The following ZNF100 variants were observed in gnomAD, a reference collection of about 807,000 sequenced individuals.
ZNF100 encodes the protein zinc finger protein 100 (Y1).
In ZNF100, 12 loss-of-function variants were observed where a neutral mutation model predicts 15.8. The observed-to-expected ratio is 0.76, with a 90% CI of 0.49 to 1.23. The LOEUF (loss-of-function observed/expected upper bound fraction) is 1.23, where lower values mean the gene tolerates loss of function less well. Ranked by LOEUF, ZNF100 falls within the 50% of genes most tolerant of loss-of-function variation. The pLI, the probability that ZNF100 is intolerant of heterozygous loss-of-function variation, is 0.00. For missense variants in ZNF100, 670 were observed against 635.6 expected, an observed-to-expected ratio of 1.05 and a Z score of -0.58; for synonymous variants, 226 against 214.8, an observed-to-expected ratio of 1.05 and a Z score of -0.45.
rs369956027 is a variant in ZNF100, at chr19:21,727,644, T to C, written c.668A>G (p.His223Arg). The change falls in exon 5 of 5, where the codon CAT becomes CGT. Residue 223 changes from histidine to arginine, a missense_variant. His to Arg is a conservative substitution (Grantham distance 29). Coordinates refer to ENST00000358296, the MANE Select transcript of ZNF100 (RefSeq NM_173531.4). ...SFCMLLHLTQ[H>R]KRFHITENSY... ...ATTCTCTGTAATATGAAATCTTTTA[T>C]GTTGAGTTAGGTGTAAAAGCATGCA... 8.7e-6 allele frequency: 14 copies of C among 1,611,840 alleles called. No individual in the cohort carries two copies. In the African/African-American group the frequency reaches 1.3e-4, roughly 15 times the overall value.
intron 2 of ZNF100, among the ~76,000 whole-genome samples, chr19:21,765,178 CTAATA>C (rs1186344529): frequency 6.6e-6 from 1 of 152,170 alleles, no homozygotes; most frequent in African/African-American, 2.4e-5. Flanking sequence ...TCAAGCCCTA[CTAATA>C]TAATGCAATT....
At position 21,744,970 on chromosome 19, in the gene ZNF100, A is replaced by C. The variant is rs1223821558; in HGVS notation, c.194T>G (p.Leu65Ter). 3 of 1,610,678 alleles carry C rather than the reference A, an allele frequency of 1.9e-6. No homozygotes were observed. The highest frequency in any genetic ancestry group is 2.5e-6 in the Non-Finnish European group (3 of 1,179,316). ...GAAGACCAGGTTTCTGTAGTTCTCT[A>C]ACATCACTTTCCTATACAAACCCTG... ...AQQGLYRKVM[L>*]ENYRNLVFLA... Residue 65 changes from leucine to a stop codon, truncating the protein, a stop_gained, in exon 3 of 5, where the codon TTA (leucine) becomes TGA (stop). Coordinates refer to ENST00000358296, the MANE Select transcript of ZNF100 (RefSeq NM_173531.4). LOFTEE classifies it high-confidence loss of function.
intron 2 of ZNF100, among the ~76,000 whole-genome samples, chr19:21,749,594 TATC>T (rs1375396000): frequency 6.6e-6 from 1 of 152,186 alleles, no homozygotes; most frequent in Non-Finnish European, 1.5e-5. Flanking sequence ...TCTACTCCAG[TATC>T]ATATTTTACA....
intron 4 of ZNF100, among the ~76,000 whole-genome samples, chr19:21,733,198 A>G (rs1382377806): frequency 2.0e-5 from 3 of 152,214 alleles, no homozygotes; most frequent in Non-Finnish European, 4.4e-5. Flanking sequence ...TACTATCATA[A>G]TGATGCACAT....
At chr19:21,765,875 G>A in intron 1 of ZNF100, 89 bp from the exon 2 acceptor site, 1 of 1,315,314 alleles carries the variant, frequency 7.6e-7, no homozygotes, top group South Asian at 1.2e-5. Context: ...TCCACAGATA[G>A]TACTGAAACC....
chr19:21,748,229 G>C (rs2036244662), intron 2 of ZNF100, among the ~76,000 whole-genome samples: 1 of 152,272 alleles, frequency 6.6e-6, no homozygotes, highest in Admixed American at 6.5e-5. Flanking sequence ...GCAGGAAATT[G>C]TAAGCACCAG....
chr19:21,746,417 T>G (rs2036212947), intron 2 of ZNF100, among the ~76,000 whole-genome samples: 2 of 152,228 alleles, frequency 1.3e-5, no homozygotes, highest in Non-Finnish European at 2.9e-5. Context: ...GTAAGTATTT[T>G]CTTAATCCTG....
At chr19:21,751,426 T>A (rs760973955) in intron 2 of ZNF100, 40 of 836,292 alleles carry the variant, frequency 4.8e-5, no homozygotes, top group Non-Finnish European at 8.3e-5. Flanking sequence ...ACAGATTTGT[T>A]CATACTCTTT....
chr19:21,735,694 C>A (rs1241128945), intron 4 of ZNF100, among the ~76,000 whole-genome samples: 2 of 152,092 alleles, frequency 1.3e-5, no homozygotes, highest in Non-Finnish European at 2.9e-5. Flanking sequence ...ATAAAACAGA[C>A]TTTAAACCAA....
At chr19:21,743,993 T>C (rs1277828055) in intron 4 of ZNF100, 24 bp downstream of exon 4, 86 of 1,587,616 alleles carry the variant, frequency 5.4e-5, no homozygotes, top group Non-Finnish European at 7.0e-5. Context: ...ATCTGTGTCA[T>C]CTGTTGTGTT....
intron 4 of ZNF100, among the ~76,000 whole-genome samples, chr19:21,733,954 C>T (rs191095351): frequency 9.6e-4 from 146 of 152,338 alleles, no homozygotes; most frequent in Non-Finnish European, 1.7e-3. Context: ...GGATCCCAAG[C>T]AAATCACAGC....
rs1364287742 is a variant in ZNF100 at position 21,732,058 on chromosome 19, C to T, written c.323-4069G>A. On this transcript the variant is annotated intron_variant, in intron 4 of 4. Coordinates refer to ENST00000358296, the MANE Select transcript of ZNF100 (RefSeq NM_173531.4). ...ACAAGGTCAGGAGTTCGAGACCAGC[C>T]TGGCCAACACAGTGAGGCAAAAGAA... Among the ~76,000 whole-genome samples the T allele has an allele frequency of 1.3e-5, 2 of 152,102 alleles. 1 individual carries two copies. Among genetic ancestry groups the T allele is most frequent in the Non-Finnish European group, 2.9e-5 (2 of 68,028 alleles).
At chr19:21,734,517 T>G (rs2035975282) in intron 4 of ZNF100, among the ~76,000 whole-genome samples, 3 of 151,210 alleles carry the variant, frequency 2.0e-5, no homozygotes, top group Non-Finnish European at 1.5e-5. Flanking sequence ...AAAATAAAAA[T>G]AAAAAGGAAT....
intron 4 of ZNF100, among the ~76,000 whole-genome samples, chr19:21,731,052 G>A (rs2035907761): frequency 6.6e-6 from 1 of 151,130 alleles, no homozygotes; most frequent in African/African-American, 2.4e-5. Context: ...AGACAATAAA[G>A]TACCCAAGAG....
chr19:21,767,009 G>A (rs12982550), intron 1 of ZNF100, among the ~76,000 whole-genome samples: 1 of 145,396 alleles, frequency 6.9e-6, no homozygotes, highest in Non-Finnish European at 1.5e-5. Context: ...CAAAAAAATC[G>A]TTAATATTTG....
At chr19:21,756,337 T>G (rs35839121) in intron 2 of ZNF100, among the ~76,000 whole-genome samples, 12,469 of 152,162 alleles carry the variant, frequency 0.082, 639 homozygotes, top group South Asian at 0.18. Context: ...AAACTCCTGT[T>G]CGACATAGAA....
At chr19:21,763,894 T>C (rs1326645955) in intron 2 of ZNF100, among the ~76,000 whole-genome samples, 1 of 152,212 alleles carries the variant, frequency 6.6e-6, no homozygotes, top group Non-Finnish European at 1.5e-5. Flanking sequence ...CCTGTTCTAA[T>C]ACTTTTTTGG....
intron 1 of ZNF100, 142 bp downstream of exon 1, chr19:21,767,285 C>T (rs2036580370): frequency 7.0e-7 from 1 of 1,430,598 alleles, no homozygotes; most frequent in Non-Finnish European, 9.7e-7. Context: ...ATCTTATGGC[C>T]GAAGGGGACG....
At chr19:21,761,447 T>G (rs929293162) in intron 2 of ZNF100, among the ~76,000 whole-genome samples, 3 of 152,186 alleles carry the variant, frequency 2.0e-5, no homozygotes, top group Non-Finnish European at 4.4e-5. Flanking sequence ...GAACTAAACT[T>G]GACTTGTAGA....
Sources: gnomAD v4.1 joint callset for allele counts (sites outside exome capture counted in the v4.1 genomes callset) on GRCh38, gnomAD v4.1.1 for gene constraint, MANE v1.5 for transcripts, NCBI Gene and HGNC (gene_info 2026-07-23, HGNC 2026-07-21) for gene names.